Variants in SMG6 observed in about 807,000 individuals in gnomAD.
The protein encoded by SMG6 is SMG6 nonsense mediated mRNA decay factor, also known as telomerase-binding protein EST1A.
In SMG6, 66 loss-of-function variants were observed where a neutral mutation model predicts 142.2. The observed-to-expected ratio is 0.46, with a 90% CI of 0.38 to 0.57. The LOEUF is 0.57. Among genes scored for constraint, SMG6 ranks in the 20% least tolerant of loss-of-function variants. SMG6 has a pLI of 0.00. For synonymous variants in SMG6, 779 were observed against 702.4 expected (o/e 1.11, Z -1.72); for missense variants, 1,793 against 1,832.0 (o/e 0.98, Z 0.39).
chr17:2,111,405 T>C (rs1039723653), intron 13 of SMG6, among the ~76,000 whole-genome samples: 44 of 152,144 alleles, frequency 2.9e-4, no homozygotes, highest in Admixed American at 2.8e-3. Context: ...AGGTCCTTTC[T>C]TATCTCGCTC....
Position 2,282,776 on chromosome 17 carries a change from C to A in SMG6, c.2532G>T (p.Arg844=). The A allele has an allele frequency of 6.2e-7, 1 of 1,614,188 alleles. No homozygotes were observed. The highest frequency in any genetic ancestry group is 2.2e-5 in the East Asian group (1 of 44,884). The change falls in exon 8 of 19, where the codon CGG becomes CGT. Residue 844 remains arginine, a synonymous_variant. Transcript: ENST00000263073. ...GGCGAGTGGTGTCATCTCCAACATGCCGGAAAGTAGACTTCTTTCCTTTCC... is the reference window on the plus strand; with the variant it reads ...GGCGAGTGGTGTCATCTCCAACATGACGGAAAGTAGACTTCTTTCCTTTCC... The part of the protein sequence containing the change: ...QWRKGKKSTF[R]HVGDDTTRLE...
At chr17:2,137,501 G>A (rs2070341854) in intron 13 of SMG6, among the ~76,000 whole-genome samples, 1 of 151,882 alleles carries the variant, frequency 6.6e-6, no homozygotes, top group Non-Finnish European at 1.5e-5. Flanking sequence ...TTACAGGCAC[G>A]CCAGCAGGAC....
chr17:2,292,411 C>T (rs748115179), intron 6 of SMG6, 141 bp downstream of exon 6: 9 of 799,536 alleles, frequency 1.1e-5, no homozygotes, highest in East Asian at 4.9e-5. Flanking sequence ...TGAGAGTAAC[C>T]GTAACAAAAG....
At position 2,269,038 on chromosome 17, in the gene SMG6, A is replaced by G. The variant is rs1284166207; in HGVS notation, c.2661+13609T>C. On this transcript the variant is annotated intron_variant, in intron 8 of 18. Transcript: ENST00000263073. ...GCTAACATGGTGAAACCCCGTCTCT[A>G]CTAAAAATACAAAAAATTAGCTGGG... Among the ~76,000 whole-genome samples, 5 of 151,900 alleles carry G rather than the reference A, an allele frequency of 3.3e-5. No individual in the cohort carries two copies. The South Asian group carries it at 8.3e-4, about 25-fold the overall frequency.
chr17:2,073,281 A>G (rs879593563), intron 15 of SMG6, among the ~76,000 whole-genome samples: 6 of 151,722 alleles, frequency 4.0e-5, no homozygotes, highest in Admixed American at 6.6e-5. Flanking sequence ...ATGGGGTTTC[A>G]CCATGTTGGC....
At chr17:2,194,585 C>G (rs942567516) in intron 10 of SMG6, among the ~76,000 whole-genome samples, 7 of 151,940 alleles carry the variant, frequency 4.6e-5, no homozygotes, top group African/African-American at 1.7e-4. Flanking sequence ...TGGTGGCTTA[C>G]GCCTGTAATC....
At chr17:2,283,870 G>T in intron 6 of SMG6, 135 bp from the exon 7 acceptor site, 1 of 652,884 alleles carries the variant, frequency 1.5e-6, no homozygotes, top group Non-Finnish European at 2.7e-6. Flanking sequence ...AACAAAATCA[G>T]AAATGCTATC....
At chr17:2,086,931 C>T (rs1567586453) in intron 13 of SMG6, 11 of 1,123,724 alleles carry the variant, frequency 9.8e-6, no homozygotes, top group South Asian at 4.3e-5. Flanking sequence ...AACACACGTC[C>T]GTGGCCAGAC....
rs2075161972 is a variant in SMG6, at chr17:2,297,223, A to G, written c.2151+20T>C. On this transcript the variant is annotated intron_variant, in intron 4 of 18. Coordinates refer to ENST00000263073, the MANE Select transcript of SMG6 (RefSeq NM_017575.5). Reference sequence around the variant, plus strand: ...TACGAAATGAATGAAAATTTAAGATACATAAAGAAGGTAGCTTACTGTCTT... The same window carrying G: ...TACGAAATGAATGAAAATTTAAGATGCATAAAGAAGGTAGCTTACTGTCTT... 2 of 1,541,782 alleles carry G rather than the reference A, an allele frequency of 1.3e-6. No homozygotes were observed. Among genetic ancestry groups the G allele is most frequent in the Non-Finnish European group, 1.8e-6 (2 of 1,128,882 alleles).
At chr17:2,249,111 T>C (rs867263857) in intron 8 of SMG6, among the ~76,000 whole-genome samples, 2 of 151,732 alleles carry the variant, frequency 1.3e-5, no homozygotes, top group Admixed American at 1.3e-4. Flanking sequence ...GCCAGGATGG[T>C]CTCAATCTCC....
intron 12 of SMG6, among the ~76,000 whole-genome samples, chr17:2,186,257 A>C (rs1383930289): frequency 1.8e-5 from 1 of 57,020 alleles, no homozygotes; most frequent in Non-Finnish European, 3.3e-5. Context: ...ACCCTGTTTC[A>C]AAAAAAAAAA....
At chr17:2,224,287 A>AC in intron 10 of SMG6, among the ~76,000 whole-genome samples, 1 of 152,288 alleles carries the variant, frequency 6.6e-6, no homozygotes, top group Admixed American at 6.5e-5. Flanking sequence ...ACAAGGCTAC[A>AC]CCCCAAATAC....
At chr17:2,207,728 A>G (rs1208693474) in intron 10 of SMG6, among the ~76,000 whole-genome samples, 1 of 152,210 alleles carries the variant, frequency 6.6e-6, no homozygotes, top group East Asian at 1.9e-4. Context: ...AAAGTATAAC[A>G]GTATGCTATA....
chr17:2,090,554 G>A (rs1448462505), intron 13 of SMG6, among the ~76,000 whole-genome samples: 5 of 152,180 alleles, frequency 3.3e-5, no homozygotes, highest in African/African-American at 7.2e-5. Context: ...CCTGGTCCCC[G>A]TTTTCTCCAA....
intron 13 of SMG6, among the ~76,000 whole-genome samples, chr17:2,130,265 T>TAAAAAAAAAA (rs1659458199): frequency 1.6e-4 from 2 of 12,674 alleles, no homozygotes; most frequent in Non-Finnish European, 1.4e-4. Context: ...AGACTCCGTC[T>TAAAAAAAAAA]CAAAAAAAAA....
chr17:2,256,850 A>G (rs1156764470), intron 8 of SMG6, among the ~76,000 whole-genome samples: 1 of 152,224 alleles, frequency 6.6e-6, no homozygotes, highest in Non-Finnish European at 1.5e-5. Flanking sequence ...AACTCGTGAG[A>G]AAAAGAGATG....
chr17:2,157,083 G>T (rs2071031139), intron 13 of SMG6, among the ~76,000 whole-genome samples: 1 of 152,124 alleles, frequency 6.6e-6, no homozygotes, highest in Non-Finnish European at 1.5e-5. Context: ...AACCTAAAAA[G>T]GTTCCCAAAG....
chr17:2,297,793 G>T, intron 3 of SMG6, 70 bp downstream of exon 3: 1 of 1,507,780 alleles, frequency 6.6e-7, no homozygotes, highest in Non-Finnish European at 9.0e-7. Flanking sequence ...AGTATTTCAG[G>T]TAGTAAAAAT....
chr17:2,081,740 T>G, intron 15 of SMG6, 70 bp downstream of exon 15: 1 of 1,572,168 alleles, frequency 6.4e-7, no homozygotes, highest in Middle Eastern at 1.8e-4. Context: ...CTCTGCTCTC[T>G]GCCCACATCC....
Sources: gnomAD v4.1 joint callset for allele counts (sites outside exome capture counted in the v4.1 genomes callset) on GRCh38, gnomAD v4.1.1 for gene constraint, MANE v1.5 for transcripts, NCBI Gene and HGNC (gene_info 2026-07-23, HGNC 2026-07-21) for gene names.